Variants in OLA1 observed in about 807,000 individuals in gnomAD.
The protein encoded by OLA1 is obg-like ATPase 1.
Under a neutral mutation model 48.4 loss-of-function variants are expected in OLA1, and 14 were observed. The ratio of observed to expected loss-of-function variants is 0.29; its 90% CI spans 0.19 to 0.45. The LOEUF (loss-of-function observed/expected upper bound fraction) is 0.45, where lower values mean the gene tolerates loss of function less well. Among genes scored for constraint, OLA1 ranks in the 20% least tolerant of loss-of-function variants. The pLI is 1.00. For synonymous variants in OLA1, 127 were observed against 150.4 expected (o/e 0.84, Z 1.14); for missense variants, 325 against 467.1 (o/e 0.70, Z 2.80).
chr2:174,223,217 C>T, intron 3 of OLA1, 57 bp from the exon 4 acceptor site: 2 of 1,463,830 alleles, frequency 1.4e-6, no homozygotes. Flanking sequence ...ATCTATCAAC[C>T]AAATGAATTC....
chr2:174,241,757 T>C (rs1157899370), intron 2 of OLA1, among the ~76,000 whole-genome samples: 1 of 152,226 alleles, frequency 6.6e-6, no homozygotes, highest in Non-Finnish European at 1.5e-5. Flanking sequence ...TGCCTCGGCC[T>C]CCCGAGTAGC....
At chr2:174,189,745 T>C (rs13002054) in intron 4 of OLA1, among the ~76,000 whole-genome samples, 23,687 of 151,970 alleles carry the variant, frequency 0.16, 1,929 homozygotes, top group East Asian at 0.21. Context: ...TGATGCATTT[T>C]CTCTTTGACC....
At chr2:174,080,544 A>C (rs562662735) in intron 9 of OLA1, among the ~76,000 whole-genome samples, 1 of 152,140 alleles carries the variant, frequency 6.6e-6, no homozygotes, top group East Asian at 1.9e-4. Flanking sequence ...TGTTGTATTC[A>C]GTATACATCA....
At chr2:174,095,323 CT>C (rs375075767) in intron 7 of OLA1, among the ~76,000 whole-genome samples, 4 of 69,706 alleles carry the variant, frequency 5.7e-5, no homozygotes, top group African/African-American at 2.0e-4. Flanking sequence ...TTGTTATTTC[CT>C]GTTTTTTTTT....
chr2:174,202,457 T>TA (rs895552107), intron 4 of OLA1, among the ~76,000 whole-genome samples: 2 of 152,222 alleles, frequency 1.3e-5, no homozygotes, highest in Non-Finnish European at 2.9e-5. Flanking sequence ...TGTATTACAG[T>TA]AAAAAGTGAT....
At chr2:174,097,172 T>C (rs1558951907) in intron 7 of OLA1, among the ~76,000 whole-genome samples, 1 of 151,980 alleles carries the variant, frequency 6.6e-6, no homozygotes, top group South Asian at 2.1e-4. Flanking sequence ...AATAAATTAA[T>C]TTTAAAAAAT....
intron 4 of OLA1, among the ~76,000 whole-genome samples, chr2:174,167,584 C>T (rs1198712364): frequency 6.6e-6 from 1 of 152,068 alleles, no homozygotes; most frequent in Admixed American, 6.6e-5. Flanking sequence ...CCAAAATATA[C>T]ATATATAATC....
chr2:174,157,444 C>T (rs1300251712), intron 4 of OLA1, among the ~76,000 whole-genome samples: 1 of 151,984 alleles, frequency 6.6e-6, no homozygotes, highest in East Asian at 1.9e-4. Context: ...TATGTAGATG[C>T]CATTTAAAAG....
At chr2:174,087,636 T>C (rs1026213516) in intron 7 of OLA1, among the ~76,000 whole-genome samples, 2 of 152,254 alleles carry the variant, frequency 1.3e-5, no homozygotes, top group Admixed American at 6.5e-5. Flanking sequence ...GAAATCCCAG[T>C]AGTGCTATTT....
At chr2:174,176,550 T>A (rs896371772) in intron 4 of OLA1, among the ~76,000 whole-genome samples, 1 of 152,164 alleles carries the variant, frequency 6.6e-6, no homozygotes, top group Non-Finnish European at 1.5e-5. Context: ...TTTCTACTTC[T>A]AATGATTTGG....
intron 7 of OLA1, among the ~76,000 whole-genome samples, chr2:174,114,715 T>C (rs1685740894): frequency 6.6e-6 from 1 of 152,172 alleles, no homozygotes. Flanking sequence ...ATGACAAATA[T>C]TTAAAGTACT....
At position 174,214,901 on chromosome 2, in the gene OLA1, T is replaced by G. The variant is rs896902084; in HGVS notation, c.373+8132A>C. Among the ~76,000 whole-genome samples, 21 of 151,720 alleles carry G rather than the reference T, an allele frequency of 1.4e-4. 1 individual carries two copies. The highest frequency in any genetic ancestry group is 5.1e-4 in the African/African-American group (21 of 41,286). On this transcript the variant is annotated intron_variant, in intron 4 of 10. Coordinates refer to ENST00000284719, the MANE Select transcript of OLA1 (RefSeq NM_013341.5). ...CCCGTCTCTACTAAAAATACAAAAA[T>G]TATCTAGGCATGGTGGCAGGTGACT...
chr2:174,100,416 T>G (rs1463635774), intron 7 of OLA1, among the ~76,000 whole-genome samples: 1 of 152,158 alleles, frequency 6.6e-6, no homozygotes, highest in African/African-American at 2.4e-5. Flanking sequence ...TAATAACTTT[T>G]TTTTTGGAAA....
intron 4 of OLA1, among the ~76,000 whole-genome samples, chr2:174,145,782 T>A (rs1486125537): frequency 6.6e-6 from 1 of 152,360 alleles, no homozygotes; most frequent in South Asian, 2.1e-4. Flanking sequence ...GTAACAATCA[T>A]ATATTCTGGT....
At chr2:174,080,432 T>C (rs941017987) in intron 9 of OLA1, among the ~76,000 whole-genome samples, 4 of 152,090 alleles carry the variant, frequency 2.6e-5, no homozygotes, top group African/African-American at 7.2e-5. Flanking sequence ...TTTCAAAATA[T>C]TTTTCAATAG....
At chr2:174,144,954 ATATATAT>A (rs1558975314) in intron 4 of OLA1, among the ~76,000 whole-genome samples, 37 of 58,872 alleles carry the variant, frequency 6.3e-4, no homozygotes, top group African/African-American at 1.7e-3. Context: ...AAAAAAAAAT[ATATATAT>A]ATATATATAT....
chr2:174,085,472 C>T (rs1334299047), intron 7 of OLA1, among the ~76,000 whole-genome samples: 2 of 152,204 alleles, frequency 1.3e-5, no homozygotes, highest in Non-Finnish European at 2.9e-5. Flanking sequence ...TGAGGTGGAA[C>T]AGTTTCATCC....
chr2:174,209,493 A>G (rs779408015), intron 4 of OLA1, among the ~76,000 whole-genome samples: 1 of 152,164 alleles, frequency 6.6e-6, no homozygotes, highest in Non-Finnish European at 1.5e-5. Flanking sequence ...CTGAGCACAC[A>G]GAGTGGGCAC....
intron 4 of OLA1, among the ~76,000 whole-genome samples, chr2:174,184,937 G>A (rs975299946): frequency 2.6e-5 from 4 of 152,182 alleles, no homozygotes; most frequent in Non-Finnish European, 5.9e-5. Context: ...TGAAGAAAAT[G>A]CAGGTATATT....
Sources: gnomAD v4.1 joint callset for allele counts (sites outside exome capture counted in the v4.1 genomes callset) on GRCh38, gnomAD v4.1.1 for gene constraint, MANE v1.5 for transcripts, NCBI Gene and HGNC (gene_info 2026-07-23, HGNC 2026-07-21) for gene names.